The following NAALADL2 variants were observed in gnomAD, a reference collection of about 807,000 sequenced individuals.
NAALADL2 encodes inactive N-acetylated-alpha-linked acidic dipeptidase-like protein 2.
NAALADL2 carries 76 observed loss-of-function variants against 87.2 expected under a neutral mutation model. That is an observed-to-expected ratio of 0.87 (90% CI 0.72 to 1.05). The LOEUF (loss-of-function observed/expected upper bound fraction) is 1.05, where lower values mean the gene tolerates loss of function less well. Ranked by LOEUF, NAALADL2 falls within the 50% of genes least tolerant of loss-of-function variation. The pLI is 0.00. For missense variants in NAALADL2, 1,089 were observed against 945.8 expected (o/e 1.15, Z -1.99); for synonymous variants, 354 against 331.0 (o/e 1.07, Z -0.75).
chr3:174,555,416 C>G (rs1019015516), intron 2 of NAALADL2, among the ~76,000 whole-genome samples: 16 of 152,300 alleles, frequency 1.1e-4, no homozygotes, highest in African/African-American at 3.8e-4. Flanking sequence ...TCTCCTGCCT[C>G]AGTCTCCCGA....
intron 2 of NAALADL2, among the ~76,000 whole-genome samples, chr3:175,100,316 T>C (rs907049237): frequency 6.6e-6 from 1 of 151,994 alleles, no homozygotes; most frequent in East Asian, 1.9e-4. Flanking sequence ...CTAGGGAGAA[T>C]GGAGAAAGTG....
At chr3:175,593,326 T>C (rs916300038) in intron 10 of NAALADL2, among the ~76,000 whole-genome samples, 5 of 152,204 alleles carry the variant, frequency 3.3e-5, no homozygotes, top group African/African-American at 1.2e-4. Flanking sequence ...TGCCTTGAAG[T>C]GGTTTATGTT....
chr3:175,480,768 T>C (rs1382695245), intron 9 of NAALADL2, among the ~76,000 whole-genome samples: 2 of 151,786 alleles, frequency 1.3e-5, no homozygotes, highest in African/African-American at 2.4e-5. Flanking sequence ...CTAAATAAGG[T>C]GGGCTGCTGC....
At chr3:175,528,347 G>A (rs1200039278) in intron 9 of NAALADL2, among the ~76,000 whole-genome samples, 4 of 152,076 alleles carry the variant, frequency 2.6e-5, no homozygotes, top group South Asian at 2.1e-4. Context: ...AATAGATGTA[G>A]GCTGGGAGGC....
chr3:174,674,421 A>C (rs1009128678), intron 2 of NAALADL2, among the ~76,000 whole-genome samples: 2 of 152,036 alleles, frequency 1.3e-5, no homozygotes, highest in Non-Finnish European at 2.9e-5. Flanking sequence ...ATGTCTTGTC[A>C]TTGTATGTAT....
chr3:175,538,122 T>C (rs1465222453), intron 9 of NAALADL2, among the ~76,000 whole-genome samples: 1 of 152,172 alleles, frequency 6.6e-6, no homozygotes, highest in African/African-American at 2.4e-5. Context: ...CTAAGTAATA[T>C]CAGTGACAGT....
chr3:174,843,065 G>A lies in NAALADL2; in HGVS notation c.-9+105319G>A, dbSNP rs757153427. Among the ~76,000 whole-genome samples, 15 of 151,962 alleles carry A rather than the reference G, an allele frequency of 9.9e-5. No individual in the cohort carries two copies. In the East Asian group the frequency reaches 1.2e-3, roughly 12 times the overall value. On this transcript the variant is annotated intron_variant, in intron 3 of 3. Transcript: ENST00000434257. ...TATGACAATCAAATCAGGGTATTTAGCATATCTATCGCTTCATGAATTTAT... is the reference window on the plus strand; with the variant it reads ...TATGACAATCAAATCAGGGTATTTAACATATCTATCGCTTCATGAATTTAT...
intron 6 of NAALADL2, among the ~76,000 whole-genome samples, chr3:175,454,936 T>C (rs1722104097): frequency 6.6e-6 from 1 of 152,094 alleles, no homozygotes; most frequent in Non-Finnish European, 1.5e-5. Context: ...GAGAATTTAA[T>C]CAAGTGCTTA....
rs187819087 is a variant in NAALADL2, at chr3:175,764,724, T to C, written c.2189+9306T>C. Among the ~76,000 whole-genome samples the C allele has an allele frequency of 6.6e-4, 100 of 152,258 alleles. 1 individual carries two copies. Among genetic ancestry groups the C allele is most frequent in the Admixed American group, 8.5e-4 (13 of 15,278 alleles). On this transcript the variant is annotated intron_variant, in intron 13 of 13. Coordinates refer to ENST00000454872, the MANE Select transcript of NAALADL2 (RefSeq NM_207015.3). ...GTTTATATTTAGGCAAGCAATGAAA[T>C]GAGACGGAACTATTAAAAAGCCACA...
intron 5 of NAALADL2, among the ~76,000 whole-genome samples, chr3:175,442,488 C>T (rs1719958586): frequency 6.6e-6 from 1 of 152,104 alleles, no homozygotes; most frequent in Non-Finnish European, 1.5e-5. Flanking sequence ...GGCTCTATGG[C>T]TCTGAACTAA....
chr3:174,620,882 C>T (rs181487505), intron 2 of NAALADL2, among the ~76,000 whole-genome samples: 2 of 152,052 alleles, frequency 1.3e-5, no homozygotes, highest in Admixed American at 1.3e-4. Flanking sequence ...TTTGAGTGAG[C>T]TAATTACATG....
intron 3 of NAALADL2, among the ~76,000 whole-genome samples, chr3:174,768,290 TATATA>T (rs1714105167): frequency 6.6e-6 from 1 of 152,166 alleles, no homozygotes; most frequent in Admixed American, 6.5e-5. Context: ...AATTGGATAA[TATATA>T]ATAATATCTT....
chr3:175,466,844 TTAAAG>T (rs533224803), intron 7 of NAALADL2, 130 bp from the exon 8 acceptor site: 20 of 722,512 alleles, frequency 2.8e-5, no homozygotes, highest in African/African-American at 1.8e-4. Context: ...AGCAAAAAAA[TTAAAG>T]TAGTCTTAAT....
At chr3:175,342,693 C>T (rs1762692459) in intron 5 of NAALADL2, among the ~76,000 whole-genome samples, 1 of 152,022 alleles carries the variant, frequency 6.6e-6, no homozygotes, top group Non-Finnish European at 1.5e-5. Context: ...TAAAAAATAG[C>T]AATAAATCAA....
intron 13 of NAALADL2, among the ~76,000 whole-genome samples, chr3:175,760,019 A>C (rs1436763622): frequency 6.6e-6 from 1 of 152,090 alleles, no homozygotes; most frequent in Non-Finnish European, 1.5e-5. Flanking sequence ...ACCTTTAGGA[A>C]GATTATGGGA....
At chr3:175,029,639 A>G (rs1445546727) in intron 1 of NAALADL2, among the ~76,000 whole-genome samples, 2 of 152,118 alleles carry the variant, frequency 1.3e-5, no homozygotes, top group Non-Finnish European at 2.9e-5. Flanking sequence ...TTAAATTTGT[A>G]CTTTAATATG....
chr3:175,116,532 TGA>T (rs1725202499), intron 2 of NAALADL2, among the ~76,000 whole-genome samples: 1 of 152,114 alleles, frequency 6.6e-6, no homozygotes, highest in Admixed American at 6.5e-5. Flanking sequence ...ACAAGGGATG[TGA>T]AGGACCTCTT....
At chr3:175,486,344 T>C (rs1013526590) in intron 9 of NAALADL2, among the ~76,000 whole-genome samples, 1 of 152,122 alleles carries the variant, frequency 6.6e-6, no homozygotes, top group African/African-American at 2.4e-5. Context: ...AAGGCTCACC[T>C]CTAGGACTCA....
intron 2 of NAALADL2, 62 bp from the exon 3 acceptor site, chr3:175,233,869 A>G: frequency 1.1e-6 from 1 of 917,212 alleles, no homozygotes. Flanking sequence ...TTGAGCAGTC[A>G]TATCTCAAAA....
Sources: allele counts gnomAD v4.1 joint callset (sites outside exome capture counted in the v4.1 genomes callset), GRCh38; gene constraint gnomAD v4.1.1; transcripts MANE v1.5; gene names NCBI Gene and HGNC (gene_info 2026-07-23, HGNC 2026-07-21).